PCDH9: variants seen among roughly 807,000 people sequenced by gnomAD.
PCDH9 encodes protocadherin 9, also known as protocadherin-9.
In PCDH9, 24 loss-of-function variants were observed where a neutral mutation model predicts 70.6. That is an observed-to-expected ratio of 0.34 (90% confidence interval 0.25 to 0.48). The LOEUF (loss-of-function observed/expected upper bound fraction) is 0.48. Ranked by LOEUF, PCDH9 falls within the 20% of genes least tolerant of loss-of-function variation. The pLI, the probability that PCDH9 is intolerant of heterozygous loss-of-function variation, is 0.99. For synonymous variants in PCDH9, 562 were observed against 558.5 expected (o/e 1.01, Z -0.09); for missense variants, 1,281 against 1,503.6 (o/e 0.85, Z 2.45).
chr13:66,913,997 C>A lies in PCDH9; in HGVS notation c.3037-10392G>T, dbSNP rs1037745114. 7.2e-5 allele frequency among the ~76,000 whole-genome samples: 11 copies of A among 151,848 alleles called. 1 individual carries two copies. Among genetic ancestry groups the A allele is most frequent in the Non-Finnish European group, 1.5e-5 (1 of 67,894 alleles). The stretch of plus-strand genomic sequence containing the variant: ...GAAAAAGAATTGGTGCTTTGAATAC[C>A]TTTTGGAATAGTTTAGAATAAATCA... On this transcript the variant is annotated intron_variant, in intron 2 of 4. Transcript: ENST00000377865.
chr13:66,889,826 G>GT (rs1392219612), intron 3 of PCDH9, among the ~76,000 whole-genome samples: 2 of 152,136 alleles, frequency 1.3e-5, no homozygotes, highest in Non-Finnish European at 2.9e-5. Context: ...CTGCTGAGAT[G>GT]TTTTTTACCT....
At chr13:67,154,587 A>AT (rs1443821346) in intron 2 of PCDH9, among the ~76,000 whole-genome samples, 3 of 90,580 alleles carry the variant, frequency 3.3e-5, no homozygotes, top group African/African-American at 1.4e-4. Flanking sequence ...AAAAAAAAAA[A>AT]AAAAAAAAAT....
chr13:66,630,246 T>C (rs1054094369), intron 4 of PCDH9, among the ~76,000 whole-genome samples: 4 of 152,090 alleles, frequency 2.6e-5, no homozygotes, highest in Non-Finnish European at 5.9e-5. Flanking sequence ...CACAGCAAAA[T>C]TGAGATAAAT....
intron 4 of PCDH9, among the ~76,000 whole-genome samples, chr13:66,556,225 A>G (rs966608593): frequency 5.3e-5 from 8 of 151,844 alleles, no homozygotes; most frequent in Non-Finnish European, 1.2e-4. Flanking sequence ...ATTTTTTATA[A>G]CTGTATTTGA....
chr13:66,312,285 T>G (rs1482731948), intron 4 of PCDH9, among the ~76,000 whole-genome samples: 2 of 152,164 alleles, frequency 1.3e-5, no homozygotes, highest in African/African-American at 4.8e-5. Flanking sequence ...AGAATCAAAC[T>G]TTCCAATGCT....
chr13:66,616,417 A>G (rs1042953301), intron 4 of PCDH9, among the ~76,000 whole-genome samples: 1 of 150,886 alleles, frequency 6.6e-6, no homozygotes, highest in African/African-American at 2.4e-5. Flanking sequence ...TTTTTTTAAC[A>G]CATGACTGGA....
At chr13:66,904,599 G>A (rs1260088153) in intron 2 of PCDH9, among the ~76,000 whole-genome samples, 1 of 151,822 alleles carries the variant, frequency 6.6e-6, no homozygotes, top group African/African-American at 2.4e-5. Flanking sequence ...TACAAGCAAA[G>A]AGACTATTCT....
At chr13:66,994,409 T>C (rs2084067282) in intron 2 of PCDH9, among the ~76,000 whole-genome samples, 1 of 152,076 alleles carries the variant, frequency 6.6e-6, no homozygotes, top group Admixed American at 6.6e-5. Flanking sequence ...CCAAACTTAT[T>C]AAGAAGCCAG....
rs9571699 is a variant in PCDH9 at position 66,946,151 on chromosome 13, C to T, written c.3037-42546G>A. ...TCTTTTGTGAGATGCCTGAGCATGC[C>T]ATTAGCCTATTTTTATTGAGTGTTT... On this transcript the variant is annotated intron_variant, in intron 2 of 4. Transcript: ENST00000377865. Among the ~76,000 whole-genome samples the T allele has an allele frequency of 5.1e-4, 77 of 151,958 alleles. 1 individual carries two copies. The East Asian group carries it at 0.014, about 27-fold the overall frequency.
chr13:67,018,382 C>T (rs993457171), intron 2 of PCDH9, among the ~76,000 whole-genome samples: 15 of 151,846 alleles, frequency 9.9e-5, no homozygotes, highest in Non-Finnish European at 2.1e-4. Flanking sequence ...GCACTTTGGG[C>T]GGCCGAAGGG....
intron 3 of PCDH9, among the ~76,000 whole-genome samples, chr13:66,832,028 G>C (rs187983151): frequency 1.3e-5 from 2 of 152,048 alleles, no homozygotes; most frequent in African/African-American, 4.8e-5. Flanking sequence ...ATTGGGTACA[G>C]ACCAAAACAT....
intron 2 of PCDH9, among the ~76,000 whole-genome samples, chr13:67,019,496 C>T (rs187323564): frequency 1.4e-4 from 22 of 151,812 alleles, no homozygotes; most frequent in Admixed American, 9.8e-4. Flanking sequence ...CGCTGGCCCA[C>T]GCAGTTGCTC....
chr13:66,903,352 C>A (rs2082308095), intron 3 of PCDH9, 152 bp downstream of exon 3: 3 of 349,362 alleles, frequency 8.6e-6, no homozygotes, highest in African/African-American at 2.1e-5. Flanking sequence ...AAATTATTTA[C>A]TTAAAATTAT....
rs933738355 is a variant in PCDH9 at position 67,150,570 on chromosome 13, G to A, written c.3036+74835C>T. ...GGGTGTTCCCTCATTCAATCCGTTG[G>A]TTTTGCCCTAATAATAAGTATTTTA... On this transcript the variant is annotated intron_variant, in intron 2 of 4. Coordinates refer to ENST00000377865, the MANE Select transcript of PCDH9 (RefSeq NM_203487.3). 2.0e-5 allele frequency among the ~76,000 whole-genome samples: 3 copies of A among 152,038 alleles called. No homozygotes were observed. The East Asian group carries it at 5.8e-4, about 29-fold the overall frequency.
intron 4 of PCDH9, among the ~76,000 whole-genome samples, chr13:66,560,491 G>A (rs1331832038): frequency 6.6e-6 from 1 of 152,168 alleles, no homozygotes; most frequent in East Asian, 1.9e-4. Flanking sequence ...TCCAGCATGT[G>A]TGTTTTCTGT....
At chr13:66,789,325 A>G (rs976793604) in intron 3 of PCDH9, among the ~76,000 whole-genome samples, 1 of 152,110 alleles carries the variant, frequency 6.6e-6, no homozygotes, top group Non-Finnish European at 1.5e-5. Flanking sequence ...CGTGGCTAAT[A>G]GTTTCTATTA....
chr13:66,519,650 C>T (rs1959898720), intron 4 of PCDH9, among the ~76,000 whole-genome samples: 1 of 152,126 alleles, frequency 6.6e-6, no homozygotes, highest in South Asian at 2.1e-4. Context: ...GAGAAACAGA[C>T]AACACACATG....
At chr13:66,862,482 T>C (rs918550120) in intron 3 of PCDH9, among the ~76,000 whole-genome samples, 1 of 152,184 alleles carries the variant, frequency 6.6e-6, no homozygotes, top group African/African-American at 2.4e-5. Flanking sequence ...CCCTGCATCA[T>C]TGCTTATCAC....
chr13:66,312,043 G>A (rs1259838683), intron 4 of PCDH9, among the ~76,000 whole-genome samples: 1 of 152,078 alleles, frequency 6.6e-6, no homozygotes, highest in East Asian at 1.9e-4. Flanking sequence ...GAATCGATAG[G>A]AAAATCTCAA....
Sources: allele counts gnomAD v4.1 joint callset (sites outside exome capture counted in the v4.1 genomes callset), GRCh38; gene constraint gnomAD v4.1.1; transcripts MANE v1.5; gene names NCBI Gene and HGNC (gene_info 2026-07-23, HGNC 2026-07-21).